Variants in TMEM132C observed in about 807,000 individuals in gnomAD.
The protein encoded by TMEM132C is transmembrane protein 132C.
A neutral mutation model predicts 61.4 loss-of-function variants in TMEM132C; 29 were observed. The ratio of observed to expected loss-of-function variants is 0.47; its 90% confidence interval spans 0.35 to 0.64. The LOEUF is 0.64. TMEM132C is among the 30% of genes least tolerant of loss of function. The probability of loss-of-function intolerance (pLI) is 0.00; values close to 1 mark genes in which losing one functional copy is unlikely to be tolerated. For missense variants in TMEM132C, 1,408 were observed against 1,476.9 expected, an observed-to-expected ratio of 0.95 and a Z score of 0.76; for synonymous variants, 656 against 633.1, an observed-to-expected ratio of 1.04 and a Z score of -0.54.
At chr12:128,569,648 C>T (rs1375073376) in intron 3 of TMEM132C, among the ~76,000 whole-genome samples, 1 of 152,136 alleles carries the variant, frequency 6.6e-6, no homozygotes, top group African/African-American at 2.4e-5. Context: ...CACACTAGAG[C>T]GGCTTGTGGA....
intron 6 of TMEM132C, among the ~76,000 whole-genome samples, chr12:128,694,947 C>G (rs1203268520): frequency 6.6e-6 from 1 of 152,226 alleles, no homozygotes; most frequent in Non-Finnish European, 1.5e-5. Context: ...TACCTAACCT[C>G]TCTGTGCCTT....
chr12:128,583,378 T>C (rs1201773894), intron 3 of TMEM132C, among the ~76,000 whole-genome samples: 2 of 143,252 alleles, frequency 1.4e-5, no homozygotes, highest in Non-Finnish European at 3.1e-5. Context: ...GTCTCCCTTA[T>C]GCAGAATATT....
At chr12:128,452,564 G>A (rs932653354) in intron 2 of TMEM132C, among the ~76,000 whole-genome samples, 46 of 149,762 alleles carry the variant, frequency 3.1e-4, no homozygotes, top group Middle Eastern at 6.8e-3. Flanking sequence ...GCCTCTCGTC[G>A]CAGCTGCTGT....
intron 3 of TMEM132C, among the ~76,000 whole-genome samples, chr12:128,550,638 G>C (rs1053424404): frequency 1.3e-5 from 2 of 152,128 alleles, no homozygotes; most frequent in Admixed American, 1.3e-4. Context: ...CAGTCCTGTG[G>C]GATTAGAGCC....
chr12:128,520,916 C>A (rs372900734), intron 2 of TMEM132C, among the ~76,000 whole-genome samples: 1 of 151,936 alleles, frequency 6.6e-6, no homozygotes, highest in Non-Finnish European at 1.5e-5. Context: ...TGTTTGTTCC[C>A]GTGTGTTTTC....
At chr12:128,699,211 G>A (rs1043462681) in intron 8 of TMEM132C, among the ~76,000 whole-genome samples, 1 of 152,214 alleles carries the variant, frequency 6.6e-6, no homozygotes, top group African/African-American at 2.4e-5. Flanking sequence ...GCTCAGAGAT[G>A]TGCCCATTAT....
chr12:128,624,384 A>G (rs1953994410), intron 4 of TMEM132C, among the ~76,000 whole-genome samples: 1 of 151,978 alleles, frequency 6.6e-6, no homozygotes, highest in Non-Finnish European at 1.5e-5. Flanking sequence ...TCTCTACTAA[A>G]AATACAAAAA....
chr12:128,456,118 T>G (rs116412831), intron 2 of TMEM132C, among the ~76,000 whole-genome samples: 18 of 152,176 alleles, frequency 1.2e-4, no homozygotes, highest in African/African-American at 4.3e-4. Context: ...TGTTGACATC[T>G]GCCCTGCACC....
At chr12:128,386,392 A>G (rs1874584107) in intron 1 of TMEM132C, among the ~76,000 whole-genome samples, 1 of 152,134 alleles carries the variant, frequency 6.6e-6, no homozygotes, top group Non-Finnish European at 1.5e-5. Flanking sequence ...CTCCAGGGGC[A>G]CAGGCACAGA....
intron 2 of TMEM132C, among the ~76,000 whole-genome samples, chr12:128,427,553 G>A (rs534211885): frequency 6.6e-6 from 1 of 152,088 alleles, no homozygotes; most frequent in Admixed American, 6.5e-5. Flanking sequence ...GCTCAGCCTA[G>A]GACACTTCCC....
At chr12:128,435,081 C>T (rs1441119928) in intron 2 of TMEM132C, among the ~76,000 whole-genome samples, 1 of 152,040 alleles carries the variant, frequency 6.6e-6, no homozygotes, top group African/African-American at 2.4e-5. Flanking sequence ...ATCAAAATGA[C>T]TTTTAGAAGA....
chr12:128,437,690 G>C (rs1188530757), intron 2 of TMEM132C: 1 of 152,222 alleles, frequency 6.6e-6, no homozygotes, highest in Non-Finnish European at 1.5e-5. Flanking sequence ...AGAAGGGAAA[G>C]GGAGGTTATG....
intron 2 of TMEM132C, among the ~76,000 whole-genome samples, chr12:128,460,208 G>T (rs1198710349): frequency 6.6e-6 from 1 of 152,104 alleles, no homozygotes; most frequent in African/African-American, 2.4e-5. Context: ...GAAATAGTGG[G>T]TCATCTAAAT....
intron 2 of TMEM132C, among the ~76,000 whole-genome samples, chr12:128,535,611 G>T (rs930433350): frequency 1.3e-4 from 20 of 152,190 alleles, no homozygotes; most frequent in African/African-American, 4.8e-4. Context: ...GCTCACGCCT[G>T]TAATCCCAGC....
chr12:128,617,467 A>T (rs544899411), intron 4 of TMEM132C, among the ~76,000 whole-genome samples: 1 of 152,250 alleles, frequency 6.6e-6, no homozygotes, highest in East Asian at 1.9e-4. Context: ...AATCAAAAGG[A>T]TGTGTTGCTC....
intron 4 of TMEM132C, among the ~76,000 whole-genome samples, chr12:128,628,643 A>C (rs1954040369): frequency 6.6e-6 from 1 of 152,232 alleles, no homozygotes; most frequent in Non-Finnish European, 1.5e-5. Context: ...TAGCTTCTAC[A>C]ACAATGCCTG....
chr12:128,403,327 G>GC (rs1409694292), intron 1 of TMEM132C, among the ~76,000 whole-genome samples: 1 of 152,174 alleles, frequency 6.6e-6, no homozygotes, highest in Non-Finnish European at 1.5e-5. Context: ...ATGGAGAAAG[G>GC]CAAGTCCTGT....
chr12:128,566,086 C>T (rs994850791), intron 3 of TMEM132C, among the ~76,000 whole-genome samples: 4 of 150,660 alleles, frequency 2.7e-5, no homozygotes, highest in East Asian at 1.9e-4. Context: ...AATGGGGTTT[C>T]GCCATGATGG....
chr12:128,616,353 T>C lies in TMEM132C; in HGVS notation c.1305+18T>C, dbSNP rs190588411. On this transcript the variant is annotated intron_variant, in intron 4 of 8. Transcript: ENST00000435159. ...TGGCTATGGTGAGTCCTGAGTTACC[T>C]TGGATGCTCCTGCATTCAGCCACCT... 6.5e-7 allele frequency: 1 copy of C among 1,543,658 alleles called. No individual in the cohort carries two copies. The highest frequency in any genetic ancestry group is 8.8e-7 in the Non-Finnish European group (1 of 1,141,766).
Sources: allele counts gnomAD v4.1 joint callset (sites outside exome capture counted in the v4.1 genomes callset), GRCh38; gene constraint gnomAD v4.1.1; transcripts MANE v1.5; gene names NCBI Gene and HGNC (gene_info 2026-07-23, HGNC 2026-07-21).